Variants in NAA38 observed in about 807,000 individuals in gnomAD.
The protein encoded by NAA38 is N-alpha-acetyltransferase 38, NatC auxiliary subunit.
In NAA38, 15 loss-of-function variants were observed where a neutral mutation model predicts 12.6. The observed-to-expected ratio is 1.19, with a 90% CI of 0.79 to 1.83. The LOEUF (loss-of-function observed/expected upper bound fraction) is 1.83. NAA38 is among the 40% of genes most tolerant of loss of function. NAA38 has a pLI of 0.00. For missense variants in NAA38, 183 were observed against 171.7 expected (o/e 1.07, Z -0.37); for synonymous variants, 88 against 69.9 (o/e 1.26, Z -1.29).
chr17:7,862,911 T>G (rs1192031840), upstream of NAA38: 1 of 152,044 alleles, frequency 6.6e-6, no homozygotes, highest in African/African-American at 2.4e-5. Flanking sequence ...AAGGTGGCCT[T>G]TGGAGATTTA....
chr17:7,875,206 A>G (rs1424033397), intron 2 of NAA38, among the ~76,000 whole-genome samples: 1 of 152,106 alleles, frequency 6.6e-6, no homozygotes, highest in Non-Finnish European at 1.5e-5. Flanking sequence ...AAAACAAAAC[A>G]AAACAAAACA....
chr17:7,880,039 G>A (rs888217892), intron 2 of NAA38, among the ~76,000 whole-genome samples: 1 of 151,988 alleles, frequency 6.6e-6, no homozygotes, highest in Non-Finnish European at 1.5e-5. Context: ...AGGGAAGACA[G>A]ATAAAGGAAG....
chr17:7,866,629 A>C, intron 2 of NAA38: 1 of 768,676 alleles, frequency 1.3e-6, no homozygotes, highest in Non-Finnish European at 1.8e-6. Flanking sequence ...CAATCCACCC[A>C]CCACTCTTCA....
intron 2 of NAA38, among the ~76,000 whole-genome samples, chr17:7,880,122 G>C (rs1967245485): frequency 6.6e-6 from 1 of 152,154 alleles, no homozygotes; most frequent in South Asian, 2.1e-4. Context: ...AATTTATAAA[G>C]TGCTATCACA....
intron 2 of NAA38, among the ~76,000 whole-genome samples, chr17:7,880,706 T>A (rs988641009): frequency 6.6e-6 from 1 of 152,212 alleles, no homozygotes; most frequent in Non-Finnish European, 1.5e-5. Context: ...TAACAGTGCC[T>A]ATATTTATAG....
upstream of NAA38, chr17:7,859,098 C>T (rs2078861949): frequency 1.2e-5 from 7 of 568,224 alleles, no homozygotes; most frequent in East Asian, 1.7e-4. Context: ...TCTTACACGC[C>T]GTTTTGGACA....
At chr17:7,885,349 C>A, upstream of NAA38, 2 of 139,830 alleles carry the variant, frequency 1.4e-5, no homozygotes, top group Non-Finnish European at 2.8e-5. Flanking sequence ...CGCCGCCACC[C>A]CGGCTGGAGA....
chr17:7,862,254 C>G (rs2151387684), upstream of NAA38: 1 of 152,304 alleles, frequency 6.6e-6, no homozygotes, highest in African/African-American at 2.4e-5. Context: ...CACACAGTTG[C>G]AGCTCAATAA....
intron 2 of NAA38, among the ~76,000 whole-genome samples, chr17:7,866,877 G>A (rs1359176348): frequency 6.6e-6 from 1 of 152,190 alleles, no homozygotes; most frequent in Non-Finnish European, 1.5e-5. Context: ...CCAGTGCCCA[G>A]CCCAGAGCAG....
At chr17:7,883,921 A>G (rs915311673) in intron 1 of NAA38, among the ~76,000 whole-genome samples, 1 of 152,156 alleles carries the variant, frequency 6.6e-6, no homozygotes, top group Non-Finnish European at 1.5e-5. Flanking sequence ...TAGTTGGACT[A>G]GTATCTAACT....
chr17:7,872,612 C>T (rs1482945483), intron 2 of NAA38, among the ~76,000 whole-genome samples: 2 of 152,338 alleles, frequency 1.3e-5, no homozygotes, highest in South Asian at 2.1e-4. Context: ...CCGCCCACCT[C>T]GGCCTCGCAA....
At chr17:7,883,680 C>T (rs1167137274) in intron 1 of NAA38, among the ~76,000 whole-genome samples, 3 of 152,086 alleles carry the variant, frequency 2.0e-5, no homozygotes, top group Non-Finnish European at 4.4e-5. Flanking sequence ...TCCCGCTTCT[C>T]ATTTAAAAGA....
chr17:7,859,697 GGGGT>G, upstream of NAA38: 1 of 1,269,400 alleles, frequency 7.9e-7, no homozygotes, highest in Non-Finnish European at 1.1e-6. Context: ...GTGGGGCCGA[GGGGT>G]GCCTGGACCC....
chr17:7,884,071 A>C (rs370277310), intron 1 of NAA38, among the ~76,000 whole-genome samples: 1 of 148,550 alleles, frequency 6.7e-6, no homozygotes, highest in African/African-American at 2.5e-5. Context: ...ATGCCCCCCC[A>C]ACACACACAC....
chr17:7,859,417 C>A, upstream of NAA38: 8 of 1,614,068 alleles, frequency 5.0e-6, no homozygotes, highest in South Asian at 1.1e-5. Flanking sequence ...AAATCCTACA[C>A]CGCTATCTCC....
chr17:7,858,496 C>T (rs758150610), upstream of NAA38: 1 of 1,614,160 alleles, frequency 6.2e-7, no homozygotes, highest in African/African-American at 1.3e-5. Flanking sequence ...TATGCTGGAA[C>T]CTGGGATTGT....
upstream of NAA38, chr17:7,861,189 G>C (rs1378753568): frequency 6.6e-6 from 1 of 152,146 alleles, no homozygotes; most frequent in Non-Finnish European, 1.5e-5. Flanking sequence ...AAACAAATCA[G>C]GAAGAGTTTA....
At chr17:7,859,754 A>C (rs1224928931), upstream of NAA38, 8 of 687,508 alleles carry the variant, frequency 1.2e-5, no homozygotes, top group Non-Finnish European at 2.0e-5. Flanking sequence ...GCCCTTCTGA[A>C]GTGTAAAGGC....
At chr17:7,882,046 A>T (rs565877740) in intron 2 of NAA38, among the ~76,000 whole-genome samples, 1 of 152,136 alleles carries the variant, frequency 6.6e-6, no homozygotes, top group African/African-American at 2.4e-5. Context: ...GAGAACAGAA[A>T]GAGATGCAGA....
Sources: allele counts gnomAD v4.1 joint callset (sites outside exome capture counted in the v4.1 genomes callset), GRCh38; gene constraint gnomAD v4.1.1; transcripts MANE v1.5; gene names NCBI Gene and HGNC (gene_info 2026-07-23, HGNC 2026-07-21).